Variants in KIFAP3 observed in about 807,000 individuals in gnomAD.
KIFAP3 encodes kinesin associated protein 3, also known as kinesin-associated protein 3.
A neutral mutation model predicts 106.5 loss-of-function variants in KIFAP3; 68 were observed. The ratio of observed to expected loss-of-function variants is 0.64; its 90% CI spans 0.53 to 0.78. The LOEUF is 0.78. KIFAP3 is among the 30% of genes least tolerant of loss of function. The pLI, the probability that KIFAP3 is intolerant of heterozygous loss-of-function variation, is 0.00. For synonymous variants in KIFAP3, 320 were observed against 311.5 expected (o/e 1.03, Z -0.29); for missense variants, 780 against 941.8 (o/e 0.83, Z 2.25).
intron 6 of KIFAP3, among the ~76,000 whole-genome samples, chr1:170,034,892 A>G (rs952286827): frequency 1.3e-5 from 2 of 151,970 alleles, no homozygotes; most frequent in South Asian, 2.1e-4. Flanking sequence ...CAGGTTTTAC[A>G]TATGTTTTCT....
intron 19 of KIFAP3, among the ~76,000 whole-genome samples, chr1:169,946,209 C>T (rs184711929): frequency 8.6e-5 from 13 of 151,820 alleles, no homozygotes; most frequent in African/African-American, 2.9e-4. Flanking sequence ...ATTTCATTCC[C>T]ATTTTTTATA....
At chr1:169,982,150 C>T in intron 14 of KIFAP3, 53 bp from the exon 15 acceptor site, 1 of 1,558,052 alleles carries the variant, frequency 6.4e-7, no homozygotes. Context: ...GATCCAAATT[C>T]ATTTAGAGTA....
At chr1:170,026,876 CTAACAA>C (rs1221335790) in intron 8 of KIFAP3, among the ~76,000 whole-genome samples, 2 of 152,240 alleles carry the variant, frequency 1.3e-5, no homozygotes, top group South Asian at 2.1e-4. Context: ...TCTGTCCAGA[CTAACAA>C]ATTATAAGAT....
intron 10 of KIFAP3, among the ~76,000 whole-genome samples, chr1:170,014,810 G>A (rs1209183598): frequency 6.6e-6 from 1 of 152,120 alleles, no homozygotes; most frequent in Non-Finnish European, 1.5e-5. Context: ...CGATGATGAT[G>A]TTGATTAGAA....
chr1:170,035,692 T>C lies in KIFAP3; in HGVS notation c.518-139A>G. ...CAAAAAGTAGGATGCTTCTTTCCAATACAGACAGCTACTTTTAAAACTAAA... is the reference window on the plus strand; with the variant it reads ...CAAAAAGTAGGATGCTTCTTTCCAACACAGACAGCTACTTTTAAAACTAAA... On this transcript the variant is annotated intron_variant, in intron 5 of 19. Coordinates refer to ENST00000361580, the MANE Select transcript of KIFAP3 (RefSeq NM_014970.4). 5.9e-6 allele frequency: 3 copies of C among 510,946 alleles called. No homozygotes were observed. The Admixed American group carries it at 1.2e-4, about 20-fold the overall frequency. The allele number at this position is 510,946 out of a possible 1,614,324, so 31.7% of individuals were successfully genotyped here.
intron 16 of KIFAP3, among the ~76,000 whole-genome samples, chr1:169,975,434 T>C (rs992029748): frequency 9.9e-5 from 15 of 152,092 alleles, no homozygotes; most frequent in Admixed American, 7.9e-4. Flanking sequence ...TAGATTTATT[T>C]CAAATATTCA....
At chr1:169,984,496 T>C in intron 12 of KIFAP3, 86 bp downstream of exon 12, 2 of 566,606 alleles carry the variant, frequency 3.5e-6, no homozygotes, top group Middle Eastern at 3.7e-4. Context: ...ACATAATCAT[T>C]ATAATTCTTA....
chr1:170,063,604 G>A lies in KIFAP3; in HGVS notation c.33-8168C>T, dbSNP rs4431903. 8.1e-3 allele frequency among the ~76,000 whole-genome samples: 1,233 copies of A among 152,176 alleles called. 22 individuals are homozygous for A. The highest frequency in any genetic ancestry group is 0.027 in the African/African-American group (1,127 of 41,510). ...TAAACTCTTACTCTACTGCAATACC[G>A]CTGTCACAGTGAGTTGTTTTTTTCT... On this transcript the variant is annotated intron_variant, in intron 1 of 19. Transcript: ENST00000361580.
intron 19 of KIFAP3, among the ~76,000 whole-genome samples, chr1:169,924,182 C>A (rs1338499620): frequency 6.6e-6 from 1 of 152,076 alleles, no homozygotes; most frequent in East Asian, 1.9e-4. Flanking sequence ...AACCTGCAGT[C>A]CCAAGTCAGT....
At position 169,938,629 on chromosome 1, in the gene KIFAP3, T is replaced by C. The variant is rs547360427; in HGVS notation, c.2273+15382A>G. Among the ~76,000 whole-genome samples the C allele has an allele frequency of 8.5e-5, 13 of 152,226 alleles. No homozygotes were observed. The South Asian group carries it at 1.0e-3, about 12-fold the overall frequency. On this transcript the variant is annotated intron_variant, in intron 19 of 19. Coordinates refer to ENST00000361580, the MANE Select transcript of KIFAP3 (RefSeq NM_014970.4). ...TTGAGAACCTAGTGGTGCCAGTAGA[T>C]AGAACTTTGAAAAAGACAGTCAAAG...
intron 8 of KIFAP3, among the ~76,000 whole-genome samples, chr1:170,026,789 A>AT (rs1222804725): frequency 6.6e-6 from 1 of 152,192 alleles, no homozygotes; most frequent in African/African-American, 2.4e-5. Context: ...CCCATAATTC[A>AT]TGCATTAGTG....
At chr1:169,965,225 T>C (rs1665545291) in intron 17 of KIFAP3, among the ~76,000 whole-genome samples, 1 of 152,112 alleles carries the variant, frequency 6.6e-6, no homozygotes, top group Non-Finnish European at 1.5e-5. Context: ...CTTGTTTCAC[T>C]TGGGAAGAGG....
At chr1:170,013,352 T>C (rs997818084) in intron 10 of KIFAP3, among the ~76,000 whole-genome samples, 1 of 152,048 alleles carries the variant, frequency 6.6e-6, no homozygotes, top group Non-Finnish European at 1.5e-5. Context: ...TGGGATTCTA[T>C]GTATATTTCT....
chr1:170,014,262 TACA>T (rs1301296063), intron 10 of KIFAP3, among the ~76,000 whole-genome samples: 1 of 152,214 alleles, frequency 6.6e-6, no homozygotes, highest in African/African-American at 2.4e-5. Flanking sequence ...CAGTTGTAAG[TACA>T]AACTTCTTAG....
At chr1:169,966,117 AGC>A (rs1401943764) in intron 17 of KIFAP3, among the ~76,000 whole-genome samples, 1 of 151,908 alleles carries the variant, frequency 6.6e-6, no homozygotes, top group Non-Finnish European at 1.5e-5. Context: ...CTAACTTTTA[AGC>A]ATTTCGTACT....
At chr1:170,065,221 T>C (rs1019446676) in intron 1 of KIFAP3, among the ~76,000 whole-genome samples, 7 of 152,320 alleles carry the variant, frequency 4.6e-5, no homozygotes, top group Admixed American at 2.6e-4. Context: ...TACTGTTTGA[T>C]TGCACCCATT....
At chr1:170,048,297 TG>T (rs201304025) in intron 2 of KIFAP3, among the ~76,000 whole-genome samples, 75 of 144,442 alleles carry the variant, frequency 5.2e-4, no homozygotes, top group Non-Finnish European at 5.2e-4. Context: ...CTTCCTTATT[TG>T]GGTTTTTTTT....
intron 1 of KIFAP3, among the ~76,000 whole-genome samples, chr1:170,067,061 T>C (rs1671482242): frequency 1.3e-5 from 2 of 151,970 alleles, no homozygotes; most frequent in Admixed American, 6.6e-5. Context: ...TTAAGAATAA[T>C]AATAAATAAA....
At chr1:170,051,196 CTGAT>C (rs1272688908) in intron 2 of KIFAP3, among the ~76,000 whole-genome samples, 1 of 150,874 alleles carries the variant, frequency 6.6e-6, no homozygotes, top group Non-Finnish European at 1.5e-5. Context: ...ATTCTAGTCT[CTGAT>C]AAAACAGACT....
Sources: gnomAD v4.1 joint callset for allele counts (sites outside exome capture counted in the v4.1 genomes callset) on GRCh38, gnomAD v4.1.1 for gene constraint, MANE v1.5 for transcripts, NCBI Gene and HGNC (gene_info 2026-07-23, HGNC 2026-07-21) for gene names.